POMGNT1: variants seen among roughly 807,000 people sequenced by gnomAD.
POMGNT1 encodes the protein protein O-linked-mannose beta-1,2-N-acetylglucosaminyltransferase 1.
Under a neutral mutation model 95.6 loss-of-function variants are expected in POMGNT1, and 67 were observed. The ratio of observed to expected loss-of-function variants is 0.70; its 90% CI spans 0.58 to 0.86. POMGNT1 has a LOEUF of 0.86. Ranked by LOEUF, POMGNT1 falls within the 40% of genes least tolerant of loss-of-function variation. The pLI is 0.00. For synonymous variants in POMGNT1, 298 were observed against 317.9 expected (o/e 0.94, Z 0.66); for missense variants, 719 against 855.2 (o/e 0.84, Z 1.99).
chr1:46,193,118 C>T, intron 13 of POMGNT1, 56 bp downstream of exon 13: 3 of 1,612,284 alleles, frequency 1.9e-6, no homozygotes, highest in South Asian at 1.1e-5. Flanking sequence ...CAGGCCCAGA[C>T]CTTATGCCCA....
intron 1 of POMGNT1, among the ~76,000 whole-genome samples, chr1:46,207,570 G>T (rs548776514): frequency 6.7e-6 from 1 of 148,204 alleles, no homozygotes. Flanking sequence ...ATGGAGTCTC[G>T]CTCTGTCGCC....
chr1:46,217,717 C>T lies in POMGNT1; in HGVS notation c.-51+1988G>A, dbSNP rs148115557. On this transcript the variant is annotated intron_variant, in intron 1 of 22. Transcript: ENST00000371992. ...ACTAAAAATACAAAAATTAGCCAGG[C>T]GTGGTAGGTGATACTTGTAATCCCA... is the stretch of plus-strand genomic sequence containing the variant. Among the ~76,000 whole-genome samples, 1,144 of 152,074 alleles carry T rather than the reference C, an allele frequency of 7.5e-3. 9 individuals are homozygous for T. Among genetic ancestry groups the T allele is most frequent in the South Asian group, 0.026 (125 of 4,806 alleles).
At position 46,196,214 on chromosome 1, in the gene POMGNT1, T is replaced by C; in HGVS notation, c.355-137A>G. On this transcript the variant is annotated intron_variant, in intron 4 of 21. Transcript: ENST00000371984. This position sits in a 1 kb window ranked among gnomAD's most constrained non-coding sequence, Gnocchi z 4.4. ...TCTGTTCACACAGTTCTTTTCCAAC[T>C]CAGCTCGAAGGCCACCTCTTCCAGA... is the stretch of plus-strand genomic sequence containing the variant. 1 of 1,531,474 alleles carries C rather than the reference T, an allele frequency of 6.5e-7. No homozygotes were observed. Among genetic ancestry groups the C allele is most frequent in the Non-Finnish European group, 8.8e-7 (1 of 1,139,854 alleles). 94.9% of individuals were successfully genotyped at this position (1,531,474 alleles called of 1,614,324 possible). A position where few individuals can be genotyped will look rare whatever the true frequency, so the allele number is the denominator to read the frequency against.
At chr1:46,203,369 C>T, upstream of POMGNT1, 5 of 1,410,682 alleles carry the variant, frequency 3.5e-6, no homozygotes, top group Non-Finnish European at 4.7e-6. Flanking sequence ...GAAGGGAGGA[C>T]CCCCGGGAGC....
upstream of POMGNT1, among the ~76,000 whole-genome samples, chr1:46,199,585 T>G (rs1436921429): frequency 6.6e-6 from 1 of 152,208 alleles, no homozygotes; most frequent in Non-Finnish European, 1.5e-5. Context: ...GATGCTTGTT[T>G]GAAGTGGATA....
intron 1 of POMGNT1, among the ~76,000 whole-genome samples, chr1:46,209,532 G>GTT (rs1658825768): frequency 7.3e-6 from 1 of 137,368 alleles, no homozygotes; most frequent in African/African-American, 2.7e-5. Flanking sequence ...TTCTGTTGTT[G>GTT]TTTTCTTTTT....
chr1:46,212,524 G>T (rs924783632), intron 1 of POMGNT1, among the ~76,000 whole-genome samples: 17 of 150,976 alleles, frequency 1.1e-4, no homozygotes, highest in Admixed American at 7.9e-4. Context: ...CTCGTGATCC[G>T]CCCGCCTTGG....
intron 1 of POMGNT1, among the ~76,000 whole-genome samples, chr1:46,210,212 A>G (rs1268870596): frequency 6.6e-6 from 1 of 152,200 alleles, no homozygotes; most frequent in African/African-American, 2.4e-5. Context: ...AAATAATTTC[A>G]GGTATAAAAT....
chr1:46,190,097 C>CTTTTT (rs946195454), intron 19 of POMGNT1, 108 bp from the exon 20 acceptor site: 29 of 807,352 alleles, frequency 3.6e-5, no homozygotes, highest in South Asian at 7.9e-5. Context: ...CCTTGAAGTT[C>CTTTTT]TTTTTTTTTT....
intron 1 of POMGNT1, among the ~76,000 whole-genome samples, chr1:46,209,206 T>C (rs892641127): frequency 2.0e-5 from 3 of 152,130 alleles, no homozygotes; most frequent in Admixed American, 6.6e-5. Context: ...GTATTTTTCG[T>C]AGAGATGGGG....
rs893287922 is a variant in POMGNT1 at position 46,203,692 on chromosome 1, C to T, written c.-50-5821G>A. On this transcript the variant is annotated intron_variant, in intron 1 of 22. Coordinates refer to the POMGNT1 transcript ENST00000371992. ...TAGGGCCGGGAGGGACGAACTCATGCTCCCAGAGTTAAGCTGGAGAGGAGG... is the reference window on the plus strand; with the variant it reads ...TAGGGCCGGGAGGGACGAACTCATGTTCCCAGAGTTAAGCTGGAGAGGAGG... The T allele has an allele frequency of 1.0e-5, 15 of 1,466,314 alleles. No individual in the cohort carries two copies. In the African/African-American group the frequency reaches 1.9e-4, roughly 18 times the overall value. The allele number at this position is 1,466,314 out of a possible 1,614,324, so 90.8% of individuals were successfully genotyped here.
At chr1:46,211,237 G>A (rs574686336) in intron 1 of POMGNT1, among the ~76,000 whole-genome samples, 1 of 152,110 alleles carries the variant, frequency 6.6e-6, no homozygotes, top group African/African-American at 2.4e-5. Context: ...CTTCCTCCAG[G>A]GTATGAGTCA....
At chr1:46,214,445 GAGATAAA>G (rs1191138018) in intron 1 of POMGNT1, among the ~76,000 whole-genome samples, 2 of 152,056 alleles carry the variant, frequency 1.3e-5, no homozygotes. Flanking sequence ...TATCCTTAAA[GAGATAAA>G]AGATAATACT....
At chr1:46,210,885 C>G (rs776679490) in intron 1 of POMGNT1, among the ~76,000 whole-genome samples, 1 of 152,076 alleles carries the variant, frequency 6.6e-6, no homozygotes, top group Admixed American at 6.6e-5. Flanking sequence ...ATCAATCCTC[C>G]CAGTTCAGCC....
intron 1 of POMGNT1, among the ~76,000 whole-genome samples, chr1:46,207,759 C>T (rs190313922): frequency 3.3e-5 from 5 of 151,322 alleles, no homozygotes; most frequent in East Asian, 2.0e-4. Flanking sequence ...AGGATGGTCT[C>T]GATCTCCTGA....
chr1:46,198,461 T>G (rs1474604595), upstream of POMGNT1: 1 of 148,868 alleles, frequency 6.7e-6, no homozygotes, highest in African/African-American at 2.4e-5. Flanking sequence ...CCCCCCCGCT[T>G]CCGCCGCCGC....
chr1:46,192,845 G>A, intron 14 of POMGNT1, 55 bp downstream of exon 14: 1 of 1,610,686 alleles, frequency 6.2e-7, no homozygotes, highest in Non-Finnish European at 8.5e-7. Context: ...ACACCTCACT[G>A]ACTCTTTCCC....
chr1:46,197,965 C>T (rs1035860401), intron 1 of POMGNT1, 94 bp from the exon 2 acceptor site: 75 of 1,216,826 alleles, frequency 6.2e-5, no homozygotes, highest in Non-Finnish European at 8.3e-5. Flanking sequence ...GCAACTCTTC[C>T]CTGCAAGCAC....
chr1:46,220,162 TG>T, exon 1 of POMGNT1: 1 of 1,614,124 alleles, frequency 6.2e-7, no homozygotes, highest in Non-Finnish European at 8.5e-7. Flanking sequence ...AGTGCCAAGC[TG>T]GGCTTCGAGG....
Sources: gnomAD v4.1 joint callset for allele counts (sites outside exome capture counted in the v4.1 genomes callset) on GRCh38, gnomAD v4.1.1 for gene constraint, Gnocchi (gnomAD v3.1) non-coding constraint, MANE v1.5 for transcripts, NCBI Gene and HGNC (gene_info 2026-07-23, HGNC 2026-07-21) for gene names.